PRAG1: variants seen among roughly 807,000 people sequenced by gnomAD.
PRAG1 encodes PEAK1 related, kinase-activating pseudokinase 1, also known as inactive tyrosine-protein kinase PRAG1.
A neutral mutation model predicts 95.6 loss-of-function variants in PRAG1; 110 were observed. That is an observed-to-expected ratio of 1.15 (90% CI 0.99 to 1.35). The LOEUF (loss-of-function observed/expected upper bound fraction) is 1.35. PRAG1 is among the 40% of genes most tolerant of loss of function. The pLI is 0.00. For missense variants in PRAG1, 2,554 were observed against 1,864.7 expected (o/e 1.37, Z -6.81); for synonymous variants, 1,052 against 819.4 (o/e 1.28, Z -4.85).
At chr8:8,337,727 T>A (rs1799035156) in intron 4 of PRAG1, among the ~76,000 whole-genome samples, 1 of 152,214 alleles carries the variant, frequency 6.6e-6, no homozygotes, top group Non-Finnish European at 1.5e-5. Flanking sequence ...TCATTTTAAT[T>A]CATGTTATTC....
At chr8:8,334,200 T>C (rs1585229212) in intron 4 of PRAG1, among the ~76,000 whole-genome samples, 1 of 152,092 alleles carries the variant, frequency 6.6e-6, no homozygotes, top group African/African-American at 2.4e-5. Context: ...TCCCAGTACT[T>C]TGGTGAGCTG....
In PRAG1 at chr8:8,378,952, T is replaced by C. The variant is rs535681086; in HGVS notation, c.331-874A>G. 1.1e-4 allele frequency among the ~76,000 whole-genome samples: 17 copies of C among 152,070 alleles called. No individual in the cohort carries two copies. In the South Asian group the frequency reaches 3.5e-3, roughly 32 times the overall value. ...GCAGAACAGGAGGGTGAGGGGTGGT[T>C]TCTGAACCGGATCAGGGTGAGGGGT... On this transcript the variant is annotated intron_variant, in intron 2 of 5. Transcript: ENST00000615670.
chr8:8,376,855 C>CGAA lies in PRAG1; in HGVS notation c.1551_1553dup (p.Ser518dup). On this transcript the variant is annotated inframe_insertion, in exon 3 of 6. Coordinates refer to ENST00000615670, the MANE Select transcript of PRAG1 (RefSeq NM_001080826.3). ...CCCTGGAGCTCAGCCCCTGCCCAGCCGAAGTCTCCTCTTCACCTACCTCGG... is the reference window on the plus strand; with the variant it reads ...CCCTGGAGCTCAGCCCCTGCCCAGCCGAAGAAGTCTCCTCTTCACCTACCTCGG... The CGAA allele has an allele frequency of 6.2e-7, 1 of 1,613,076 alleles. No individual in the cohort carries two copies. Among genetic ancestry groups the CGAA allele is most frequent in the South Asian group, 1.1e-5 (1 of 91,084 alleles).
chr8:8,355,837 AG>A (rs1173466070), intron 3 of PRAG1, among the ~76,000 whole-genome samples: 1 of 152,206 alleles, frequency 6.6e-6, no homozygotes, highest in Non-Finnish European at 1.5e-5. Flanking sequence ...AAAAGAACAT[AG>A]GAAAATCTAT....
At chr8:8,343,741 C>G (rs1409647285) in intron 3 of PRAG1, among the ~76,000 whole-genome samples, 1 of 152,126 alleles carries the variant, frequency 6.6e-6, no homozygotes, top group African/African-American at 2.4e-5. Context: ...GCTGTTGTAG[C>G]TGGAAAGCCA....
At chr8:8,327,502 G>C (rs559718836) in intron 5 of PRAG1, among the ~76,000 whole-genome samples, 1 of 152,136 alleles carries the variant, frequency 6.6e-6, no homozygotes, top group African/African-American at 2.4e-5. Context: ...AATGGGAGGC[G>C]GAGGCTGTAG....
intron 3 of PRAG1, among the ~76,000 whole-genome samples, chr8:8,351,074 A>G (rs1204052357): frequency 6.6e-6 from 1 of 152,180 alleles, no homozygotes; most frequent in East Asian, 1.9e-4. Flanking sequence ...GGACTGGGTA[A>G]TGTATAAAGA....
intron 3 of PRAG1, among the ~76,000 whole-genome samples, chr8:8,348,036 C>T (rs924121082): frequency 2.0e-5 from 3 of 152,194 alleles, no homozygotes; most frequent in East Asian, 3.8e-4. Flanking sequence ...CATGCTTCAG[C>T]CTCCCATGTG....
chr8:8,386,354 T>C lies in PRAG1; in HGVS notation c.-121A>G, dbSNP rs1158010239. On this transcript the variant is annotated 5_prime_UTR_variant, in exon 1 of 6. Coordinates refer to ENST00000615670, the MANE Select transcript of PRAG1 (RefSeq NM_001080826.3). ...TGCGCTCCCCCGGCCCCTCCGTCGG[T>C]CTCCGAGCCGCCAGCCGCCCGGCCG... 1 of 152,114 alleles carries C rather than the reference T, an allele frequency of 6.6e-6. No homozygotes were observed. The highest frequency in any genetic ancestry group is 6.5e-5 in the Admixed American group (1 of 15,282). The allele number at this position is 152,114 out of a possible 1,614,324, so 9.4% of individuals were successfully genotyped here.
At chr8:8,380,670 G>A (rs1055541615) in intron 2 of PRAG1, among the ~76,000 whole-genome samples, 6 of 151,668 alleles carry the variant, frequency 4.0e-5, no homozygotes, top group Admixed American at 2.6e-4. Context: ...CCTGGCCAAC[G>A]TGGTGAAACC....
chr8:8,343,700 C>T (rs1799244157), intron 3 of PRAG1, among the ~76,000 whole-genome samples: 2 of 152,070 alleles, frequency 1.3e-5, no homozygotes, highest in Non-Finnish European at 1.5e-5. Context: ...GCTCGTGGAC[C>T]ATAAGGGTTC....
intron 4 of PRAG1, among the ~76,000 whole-genome samples, chr8:8,333,769 A>G (rs1318913997): frequency 6.6e-6 from 1 of 152,232 alleles, no homozygotes; most frequent in African/African-American, 2.4e-5. Flanking sequence ...CAGCGTCCCA[A>G]CTAAGTCTCC....
chr8:8,386,127 G>A (rs1471607273), intron 1 of PRAG1, among the ~76,000 whole-genome samples, 194 bp downstream of exon 1: 1 of 152,174 alleles, frequency 6.6e-6, no homozygotes, highest in Non-Finnish European at 1.5e-5. Context: ...CGGTCCTCCC[G>A]GCCGGGCGCC....
intron 3 of PRAG1, among the ~76,000 whole-genome samples, chr8:8,344,570 T>G (rs946574567): frequency 1.3e-5 from 2 of 152,218 alleles, no homozygotes; most frequent in African/African-American, 4.8e-5. Context: ...CATTTTATTT[T>G]TAAAAAATCT....
chr8:8,327,290 T>TC (rs1216528733), intron 5 of PRAG1, among the ~76,000 whole-genome samples: 1 of 151,930 alleles, frequency 6.6e-6, no homozygotes, highest in Non-Finnish European at 1.5e-5. Context: ...TGCTTAGGGG[T>TC]CAGGGGTGGT....
chr8:8,359,627 A>G (rs1159224757), intron 3 of PRAG1, among the ~76,000 whole-genome samples: 1 of 152,200 alleles, frequency 6.6e-6, no homozygotes, highest in East Asian at 1.9e-4. Context: ...AAGTCCTTCA[A>G]TTACAGGCTT....
rs763376900 is a variant in PRAG1, at chr8:8,381,469, G to A, written c.279C>T (p.Ser93=). The change falls in exon 2 of 6, where the codon TCC becomes TCT. Residue 93 remains serine (S), a synonymous_variant. Coordinates refer to ENST00000615670, the MANE Select transcript of PRAG1 (RefSeq NM_001080826.3). ...CCTCTGTCCACACATCAGAGGCCTC[G>A]GAGCTCATCATGGTGGGCTTCACGG... ...TIAVKPTMMS[S]EASDVWTEAN... is the part of the protein sequence containing the mutation. 1.1e-5 allele frequency: 18 copies of A among 1,614,068 alleles called. No individual in the cohort carries two copies. The highest frequency in any genetic ancestry group is 4.4e-5 in the South Asian group (4 of 91,084).
At position 8,377,004 on chromosome 8, in the gene PRAG1, G is replaced by T. The variant is rs894170185; in HGVS notation, c.1405C>A (p.Gln469Lys). Residue 469 changes from glutamine to lysine, a missense_variant, in exon 3 of 6, where the codon CAG (glutamine) becomes AAG (lysine). Transcript: ENST00000615670. ...ATGACTGTGATGGTGGCTGACACCTGGGGAGTTGGGTCTGGGCTGTCCCGG... is the reference window on the plus strand; with the variant it reads ...ATGACTGTGATGGTGGCTGACACCTTGGGAGTTGGGTCTGGGCTGTCCCGG... ...WGRDSPDPTPQVSATITVMAA... is the reference protein window; with the variant it reads ...WGRDSPDPTPKVSATITVMAA... 6.2e-7 allele frequency: 1 copy of T among 1,613,680 alleles called. No individual in the cohort carries two copies. Among genetic ancestry groups the T allele is most frequent in the African/African-American group, 1.3e-5 (1 of 74,944 alleles).
chr8:8,373,454 A>ATTGTTTTTTTTTTTTT lies in PRAG1; in HGVS notation c.2162+2792_2162+2793insAAAAAAAAAAAAACAA, dbSNP rs1470559658. On this transcript the variant is annotated intron_variant, in intron 3 of 5. Transcript: ENST00000615670. ...CTCTTAAGCTAATTTTATTTTCTAG[A>ATTGTTTTTTTTTTTTT]TTTTTTTTTTTTTGAGACAGGGTCT... Among the ~76,000 whole-genome samples, 442 of 138,080 alleles carry ATTGTTTTTTTTTTTTT rather than the reference A, an allele frequency of 3.2e-3. 17 individuals carry two copies. Among genetic ancestry groups the ATTGTTTTTTTTTTTTT allele is most frequent in the South Asian group, 6.5e-3 (27 of 4,128 alleles). 90.6% of individuals were successfully genotyped at this position (138,080 alleles called of 152,430 possible).
Sources: gnomAD v4.1 joint callset for allele counts (sites outside exome capture counted in the v4.1 genomes callset) on GRCh38, gnomAD v4.1.1 for gene constraint, MANE v1.5 for transcripts, NCBI Gene and HGNC (gene_info 2026-07-23, HGNC 2026-07-21) for gene names.